The following ST18 variants were observed in gnomAD, a reference collection of about 807,000 sequenced individuals.
ST18 encodes the protein suppression of tumorigenicity 18 protein.
A neutral mutation model predicts 110.0 loss-of-function variants in ST18; 50 were observed. That is an observed-to-expected ratio of 0.45 (90% CI 0.36 to 0.58). The LOEUF is 0.58. Ranked by LOEUF, ST18 falls within the 20% of genes least tolerant of loss-of-function variation. The pLI, the probability that ST18 is intolerant of heterozygous loss-of-function variation, is 0.00. For missense variants in ST18, 1,306 were observed against 1,280.1 expected, an observed-to-expected ratio of 1.02 and a Z score of -0.31; for synonymous variants, 461 against 452.4, an observed-to-expected ratio of 1.02 and a Z score of -0.24.
chr8:52,387,188 G>A (rs920609557), intron 2 of ST18, among the ~76,000 whole-genome samples: 1 of 151,616 alleles, frequency 6.6e-6, no homozygotes, highest in Non-Finnish European at 1.5e-5. Context: ...TCTCCAAACT[G>A]AGAAAGTCCA....
chr8:52,160,453 G>A (rs1262493714), intron 14 of ST18, among the ~76,000 whole-genome samples: 1 of 152,156 alleles, frequency 6.6e-6, no homozygotes, highest in African/African-American at 2.4e-5. Flanking sequence ...ACATAATGAG[G>A]TAAACATTCT....
chr8:52,326,504 T>C (rs1806483200), intron 2 of ST18, among the ~76,000 whole-genome samples: 1 of 152,128 alleles, frequency 6.6e-6, no homozygotes, highest in African/African-American at 2.4e-5. Context: ...TGTTCTATAT[T>C]AAAATGGCCA....
At chr8:52,177,888 G>A (rs540911830) in intron 9 of ST18, among the ~76,000 whole-genome samples, 14 of 152,192 alleles carry the variant, frequency 9.2e-5, no homozygotes, top group South Asian at 6.2e-4. Flanking sequence ...TGGATTAATC[G>A]ATATCATTTA....
In ST18 at chr8:52,125,060, C is replaced by T. The variant is rs528849204; in HGVS notation, c.2755+992G>A. The stretch of plus-strand genomic sequence containing the variant: ...TCATTGTTTCTCAAATGCTTTGGAA[C>T]GATCTTTGATGGAAAACAACACAGG... On this transcript the variant is annotated intron_variant, in intron 23 of 25. Coordinates refer to ENST00000689386, the MANE Select transcript of ST18 (RefSeq NM_001352837.2). Among the ~76,000 whole-genome samples, 6 of 152,212 alleles carry T rather than the reference C, an allele frequency of 3.9e-5. No individual in the cohort carries two copies. The South Asian group carries it at 1.0e-3, about 26-fold the overall frequency.
At chr8:52,317,187 A>T (rs2096045460) in intron 2 of ST18, among the ~76,000 whole-genome samples, 1 of 152,192 alleles carries the variant, frequency 6.6e-6, no homozygotes. Context: ...TGTGACTGTG[A>T]CCTTATTTGA....
intron 5 of ST18, among the ~76,000 whole-genome samples, chr8:52,220,282 T>C (rs1389764249): frequency 1.3e-5 from 2 of 152,210 alleles, no homozygotes; most frequent in African/African-American, 4.8e-5. Flanking sequence ...AATAGATTTC[T>C]CTCAAGAATA....
At chr8:52,119,425 G>A (rs1488467791) in intron 23 of ST18, among the ~76,000 whole-genome samples, 1 of 152,080 alleles carries the variant, frequency 6.6e-6, no homozygotes, top group African/African-American at 2.4e-5. Context: ...GAACTTCCAC[G>A]TAGAGACTTC....
chr8:52,221,125 AT>A (rs1392392425), intron 4 of ST18, among the ~76,000 whole-genome samples: 33 of 151,800 alleles, frequency 2.2e-4, no homozygotes, highest in African/African-American at 7.2e-4. Flanking sequence ...CTATCTATCT[AT>A]CTATCTATCT....
Position 52,309,469 on chromosome 8 carries a change from C to T in ST18, c.-464-79392G>A, listed in dbSNP as rs113969200. 9.2e-3 allele frequency among the ~76,000 whole-genome samples: 1,260 copies of T among 136,266 alleles called. 18 individuals carry two copies. Among genetic ancestry groups the T allele is most frequent in the African/African-American group, 0.032 (1,148 of 36,120 alleles). The allele number at this position is 136,266 out of a possible 152,430, so 89.4% of individuals were successfully genotyped here. ...CTGGGAAGTGGAGTTTGCAGTGAGC[C>T]GAGATTGCACCATTGCACTCCAGCC... is the stretch of plus-strand genomic sequence containing the variant. On this transcript the variant is annotated intron_variant, in intron 2 of 25. Coordinates refer to ENST00000689386, the MANE Select transcript of ST18 (RefSeq NM_001352837.2).
chr8:52,321,982 A>C (rs988899087), intron 2 of ST18, among the ~76,000 whole-genome samples: 3 of 152,196 alleles, frequency 2.0e-5, no homozygotes, highest in Non-Finnish European at 4.4e-5. Flanking sequence ...AAACTAGACC[A>C]TTGCTTTTGT....
intron 8 of ST18, among the ~76,000 whole-genome samples, chr8:52,183,153 C>T (rs1023436325): frequency 4.6e-5 from 7 of 152,150 alleles, no homozygotes; most frequent in African/African-American, 1.4e-4. Context: ...ATGCATTTGA[C>T]AGTTGGTTAG....
chr8:52,134,403 A>G (rs2051114677), intron 19 of ST18, among the ~76,000 whole-genome samples: 1 of 152,206 alleles, frequency 6.6e-6, no homozygotes, highest in African/African-American at 2.4e-5. Context: ...GAAAATCCCC[A>G]ATACAAACAA....
intron 6 of ST18, among the ~76,000 whole-genome samples, chr8:52,215,392 A>G: frequency 6.6e-6 from 1 of 152,280 alleles, no homozygotes; most frequent in East Asian, 1.9e-4. Flanking sequence ...GAGACAAACA[A>G]CTCCAGAACA....
chr8:52,117,171 C>T (rs2042869126), intron 24 of ST18, among the ~76,000 whole-genome samples: 1 of 152,192 alleles, frequency 6.6e-6, no homozygotes, highest in South Asian at 2.1e-4. Flanking sequence ...AGCTCACTCA[C>T]CTGCGGCCAC....
intron 12 of ST18, among the ~76,000 whole-genome samples, chr8:52,164,883 G>T (rs2062452081): frequency 6.6e-6 from 1 of 152,194 alleles, no homozygotes; most frequent in Admixed American, 6.5e-5. Context: ...GGTAACCACA[G>T]CAACTTCAAA....
At chr8:52,161,150 T>C (rs2061351330) in intron 14 of ST18, among the ~76,000 whole-genome samples, 1 of 152,230 alleles carries the variant, frequency 6.6e-6, no homozygotes, top group Admixed American at 6.5e-5. Flanking sequence ...GAATAATTAA[T>C]TCATTAACTA....
chr8:52,303,520 T>TG (rs1239402555), intron 2 of ST18, among the ~76,000 whole-genome samples: 1 of 152,194 alleles, frequency 6.6e-6, no homozygotes, highest in Admixed American at 6.5e-5. Context: ...ATGTATCTTT[T>TG]GGGGGCATGC....
chr8:52,271,002 C>T (rs2095056667), intron 2 of ST18, among the ~76,000 whole-genome samples: 1 of 151,788 alleles, frequency 6.6e-6, no homozygotes, highest in Non-Finnish European at 1.5e-5. Context: ...AGGTTCACGC[C>T]ATTCTCCTGC....
rs1491425984 is a variant in ST18, at chr8:52,357,675, A to AT, written c.-465+51652_-465+51653insA. Among the ~76,000 whole-genome samples the AT allele has an allele frequency of 4.1e-4, 35 of 85,768 alleles. 1 individual carries two copies. Among genetic ancestry groups the AT allele is most frequent in the African/African-American group, 1.6e-3 (32 of 20,574 alleles). The allele number at this position is 85,768 out of a possible 152,430, so 56.3% of individuals were successfully genotyped here. A position where few individuals can be genotyped will look rare whatever the true frequency, so the allele number is the denominator to read the frequency against. ...CACATAACAAATCCCCAAAATCTAT[A>AT]AATATATATATATATATATATATAT... is the stretch of plus-strand genomic sequence containing the variant. On this transcript the variant is annotated intron_variant, in intron 2 of 25. Transcript: ENST00000689386.
Sources: allele counts gnomAD v4.1 joint callset (sites outside exome capture counted in the v4.1 genomes callset), GRCh38; gene constraint gnomAD v4.1.1; transcripts MANE v1.5; gene names NCBI Gene and HGNC (gene_info 2026-07-23, HGNC 2026-07-21).